ADAMTS12: variants seen among roughly 807,000 people sequenced by gnomAD.
The protein encoded by ADAMTS12 is ADAM metallopeptidase with thrombospondin type 1 motif 12, also known as A disintegrin and metalloproteinase with thrombospondin motifs 12.
In ADAMTS12, 118 loss-of-function variants were observed where a neutral mutation model predicts 167.8. The ratio of observed to expected loss-of-function variants is 0.70; its 90% CI spans 0.61 to 0.82. ADAMTS12 has a LOEUF of 0.82. Ranked by LOEUF, ADAMTS12 falls within the 40% of genes least tolerant of loss-of-function variation. The pLI is 0.00. For missense variants in ADAMTS12, 1,916 were observed against 1,998.8 expected, an observed-to-expected ratio of 0.96 and a Z score of 0.79; for synonymous variants, 704 against 716.9, an observed-to-expected ratio of 0.98 and a Z score of 0.29.
At chr5:33,773,675 T>C (rs528173341) in intron 2 of ADAMTS12, among the ~76,000 whole-genome samples, 1 of 152,308 alleles carries the variant, frequency 6.6e-6, no homozygotes, top group South Asian at 2.1e-4. Context: ...TCTTGCCTAA[T>C]CCCAAGTAGT....
chr5:33,706,469 T>C (rs1376743355), intron 3 of ADAMTS12, among the ~76,000 whole-genome samples: 1 of 152,210 alleles, frequency 6.6e-6, no homozygotes, highest in Non-Finnish European at 1.5e-5. Context: ...TTCGTCTTTT[T>C]TGATCTTTGT....
chr5:33,752,752 C>A (rs1745033803), intron 2 of ADAMTS12, among the ~76,000 whole-genome samples: 1 of 152,162 alleles, frequency 6.6e-6, no homozygotes, highest in Non-Finnish European at 1.5e-5. Context: ...GTTCAAGGTC[C>A]TTTCACTATT....
intron 2 of ADAMTS12, among the ~76,000 whole-genome samples, chr5:33,776,905 C>T (rs1054896162): frequency 2.6e-5 from 4 of 152,032 alleles, no homozygotes; most frequent in Non-Finnish European, 5.9e-5. Flanking sequence ...CAATTACACT[C>T]CAATAAATTA....
rs571750200 is a variant in ADAMTS12, at chr5:33,838,969, C to T, written c.489+42150G>A. On this transcript the variant is annotated intron_variant, in intron 2 of 23. Coordinates refer to ENST00000504830, the MANE Select transcript of ADAMTS12 (RefSeq NM_030955.4). ...TGGATAAAAAACGACTGGATTCAAA[C>T]TCCCAATTCTGGCATTAACCTGAGT... Among the ~76,000 whole-genome samples the T allele has an allele frequency of 3.9e-5, 6 of 152,316 alleles. No homozygotes were observed. In the South Asian group the frequency reaches 1.2e-3, roughly 32 times the overall value.
intron 2 of ADAMTS12, among the ~76,000 whole-genome samples, chr5:33,873,126 T>A: frequency 7.4e-6 from 1 of 136,000 alleles, no homozygotes; most frequent in Admixed American, 7.5e-5. Flanking sequence ...AAGGAAGAAA[T>A]AATACTTTGT....
At chr5:33,588,927 A>C in intron 17 of ADAMTS12, 118 bp from the exon 18 acceptor site, 1 of 1,202,326 alleles carries the variant, frequency 8.3e-7, no homozygotes, top group Non-Finnish European at 1.2e-6. Context: ...CCATGGAGAC[A>C]CTCCAACCCA....
intron 16 of ADAMTS12, among the ~76,000 whole-genome samples, chr5:33,607,027 C>T (rs1412258485): frequency 6.6e-6 from 1 of 152,112 alleles, no homozygotes; most frequent in African/African-American, 2.4e-5. Context: ...ATATGATCAT[C>T]TCAGTAGATG....
intron 1 of ADAMTS12, 78 bp from the exon 2 acceptor site, chr5:33,881,558 T>G (rs535178953): frequency 1.3e-6 from 2 of 1,498,108 alleles, no homozygotes; most frequent in East Asian, 4.6e-5. Flanking sequence ...GGAACTTGAA[T>G]GCTAGCTTTT....
At chr5:33,535,144 T>C in intron 22 of ADAMTS12, 152 bp from the exon 23 acceptor site, 4 of 734,452 alleles carry the variant, frequency 5.4e-6, no homozygotes, top group Non-Finnish European at 8.4e-6. Flanking sequence ...AAGGCACTAA[T>C]AATTTGGAGA....
At chr5:33,780,918 T>G (rs552607544) in intron 2 of ADAMTS12, among the ~76,000 whole-genome samples, 204 of 152,230 alleles carry the variant, frequency 1.3e-3, no homozygotes, top group African/African-American at 4.7e-3. Flanking sequence ...GGAATCTCAG[T>G]GGTGGGATGG....
intron 18 of ADAMTS12, among the ~76,000 whole-genome samples, chr5:33,586,264 T>C (rs1284641249): frequency 6.6e-6 from 1 of 152,230 alleles, no homozygotes; most frequent in Non-Finnish European, 1.5e-5. Flanking sequence ...CATTTCATCA[T>C]ACTCCAGCAA....
intron 16 of ADAMTS12, among the ~76,000 whole-genome samples, chr5:33,609,518 C>T (rs1436060405): frequency 6.6e-6 from 1 of 151,682 alleles, no homozygotes; most frequent in African/African-American, 2.4e-5. Flanking sequence ...CTACAGGCGC[C>T]CACCACCACC....
chr5:33,875,763 T>C (rs956719329), intron 2 of ADAMTS12, among the ~76,000 whole-genome samples: 3 of 152,218 alleles, frequency 2.0e-5, no homozygotes, highest in African/African-American at 7.2e-5. Flanking sequence ...CAAGAGATGT[T>C]GCTCTCCCCA....
chr5:33,614,230 T>C lies in ADAMTS12; in HGVS notation c.2527+8A>G. ...CATGGCTTCATAGTGAGAGCAGCTG[T>C]TTCTCACCTGTCCCGCAGGTCACAC... On this transcript the variant is annotated splice_region_variant and intron_variant, in intron 16 of 23. Transcript: ENST00000504830. 1 of 1,612,954 alleles carries C rather than the reference T, an allele frequency of 6.2e-7. No homozygotes were observed. Among genetic ancestry groups the C allele is most frequent in the Non-Finnish European group, 8.5e-7 (1 of 1,179,410 alleles).
chr5:33,777,446 T>C (rs1290078382), intron 2 of ADAMTS12, among the ~76,000 whole-genome samples: 4 of 151,848 alleles, frequency 2.6e-5, no homozygotes, highest in South Asian at 2.1e-4. Context: ...ATCAGCTCAA[T>C]AGATGCAGAA....
At chr5:33,627,516 G>C (rs1306902558) in intron 13 of ADAMTS12, among the ~76,000 whole-genome samples, 1 of 149,858 alleles carries the variant, frequency 6.7e-6, no homozygotes, top group Admixed American at 6.9e-5. Context: ...GGTGGTGGTA[G>C]TGGTGGTGGT....
intron 19 of ADAMTS12, among the ~76,000 whole-genome samples, chr5:33,563,183 T>C (rs912426775): frequency 2.6e-5 from 4 of 152,188 alleles, no homozygotes; most frequent in Non-Finnish European, 4.4e-5. Context: ...ATATTATGTA[T>C]CTAGGTAATA....
intron 23 of ADAMTS12, among the ~76,000 whole-genome samples, chr5:33,531,902 C>CA (rs1027428888): frequency 6.6e-6 from 1 of 152,182 alleles, no homozygotes; most frequent in African/African-American, 2.4e-5. Context: ...CCTATATTGG[C>CA]AGTCTGTGTT....
At chr5:33,670,514 G>T (rs545963909) in intron 5 of ADAMTS12, among the ~76,000 whole-genome samples, 59 of 152,268 alleles carry the variant, frequency 3.9e-4, no homozygotes, top group African/African-American at 1.4e-3. Context: ...GGCTGAGATG[G>T]GTGGATCACC....
Sources: gnomAD v4.1 joint callset for allele counts (sites outside exome capture counted in the v4.1 genomes callset) on GRCh38, gnomAD v4.1.1 for gene constraint, MANE v1.5 for transcripts, NCBI Gene and HGNC (gene_info 2026-07-23, HGNC 2026-07-21) for gene names.